PRKG1: variants seen among roughly 807,000 people sequenced by gnomAD.
PRKG1 encodes protein kinase cGMP-dependent 1, also known as cGMP-dependent protein kinase 1.
PRKG1 carries 35 observed loss-of-function variants against 88.1 expected under a neutral mutation model. The ratio of observed to expected loss-of-function variants is 0.40; its 90% CI spans 0.30 to 0.53. The LOEUF (loss-of-function observed/expected upper bound fraction) is 0.53, where lower values mean the gene tolerates loss of function less well. PRKG1 is among the 20% of genes least tolerant of loss of function. The pLI is 0.59. For missense variants in PRKG1, 540 were observed against 839.8 expected (o/e 0.64, Z 4.41); for synonymous variants, 303 against 292.5 (o/e 1.04, Z -0.37).
chr10:51,532,471 A>T (rs1303878115), intron 3 of PRKG1, among the ~76,000 whole-genome samples: 1 of 152,150 alleles, frequency 6.6e-6, no homozygotes, highest in Non-Finnish European at 1.5e-5. Context: ...GTGAATTTAC[A>T]TTATTTTACT....
chr10:51,403,326 A>G (rs1837811146), intron 2 of PRKG1, among the ~76,000 whole-genome samples: 1 of 152,210 alleles, frequency 6.6e-6, no homozygotes, highest in South Asian at 2.1e-4. Flanking sequence ...AAATTTTCAG[A>G]TCTAAAGTTG....
intron 3 of PRKG1, among the ~76,000 whole-genome samples, chr10:51,631,297 C>T (rs1839519752): frequency 6.6e-6 from 1 of 152,122 alleles, no homozygotes; most frequent in Admixed American, 6.5e-5. Flanking sequence ...AAAACTCTGA[C>T]TGAGACAAAT....
intron 3 of PRKG1, among the ~76,000 whole-genome samples, chr10:51,650,079 T>G (rs949933682): frequency 6.6e-6 from 1 of 152,152 alleles, no homozygotes; most frequent in Non-Finnish European, 1.5e-5. Flanking sequence ...TTAAGGCTTT[T>G]TCTTTAGTGA....
At chr10:51,211,008 CAA>C (rs1303503425) in intron 2 of PRKG1, among the ~76,000 whole-genome samples, 1 of 151,486 alleles carries the variant, frequency 6.6e-6, no homozygotes, top group Non-Finnish European at 1.5e-5. Context: ...AGAGACACAA[CAA>C]AAAAAAGAGA....
At chr10:52,161,606 C>T (rs1294753346) in intron 8 of PRKG1, among the ~76,000 whole-genome samples, 1 of 151,960 alleles carries the variant, frequency 6.6e-6, no homozygotes, top group Non-Finnish European at 1.5e-5. Flanking sequence ...GACTTTATTC[C>T]AAACAATTAT....
At chr10:52,211,574 G>A (rs1355397913) in intron 9 of PRKG1, among the ~76,000 whole-genome samples, 1 of 151,512 alleles carries the variant, frequency 6.6e-6, no homozygotes, top group Non-Finnish European at 1.5e-5. Flanking sequence ...CAAACCAATA[G>A]ATTTTCACAA....
rs61852086 is a variant in PRKG1, at chr10:51,316,551, G to A, written c.479-151172G>A. Among the ~76,000 whole-genome samples, 926 of 152,054 alleles carry A rather than the reference G, an allele frequency of 6.1e-3. 9 individuals carry two copies. The highest frequency in any genetic ancestry group is 0.02 in the Middle Eastern group (6 of 294). On this transcript the variant is annotated intron_variant, in intron 2 of 17. Coordinates refer to ENST00000373980, the MANE Select transcript of PRKG1 (RefSeq NM_006258.4). ...ACAAAAATTAGCCAGGCCTGATGGC[G>A]GGCACCTGTAATCCCAGCTACTCAG...
intron 5 of PRKG1, among the ~76,000 whole-genome samples, chr10:51,914,617 A>T (rs1308805453): frequency 4.6e-5 from 7 of 152,220 alleles, no homozygotes; most frequent in Non-Finnish European, 1.0e-4. Context: ...AGTCAATTTC[A>T]TGTCCAATTT....
intron 3 of PRKG1, among the ~76,000 whole-genome samples, chr10:51,742,463 G>T (rs1377680763): frequency 6.6e-6 from 1 of 152,172 alleles, no homozygotes; most frequent in South Asian, 2.1e-4. Flanking sequence ...CTAACAAAGA[G>T]GGAGAAGACC....
chr10:51,482,790 T>C (rs1200836908), intron 3 of PRKG1, among the ~76,000 whole-genome samples: 1 of 152,078 alleles, frequency 6.6e-6, no homozygotes, highest in Non-Finnish European at 1.5e-5. Flanking sequence ...AAGCTTCAGT[T>C]TCATCATTCA....
At chr10:52,089,100 A>G (rs1846987690) in intron 7 of PRKG1, among the ~76,000 whole-genome samples, 1 of 152,214 alleles carries the variant, frequency 6.6e-6, no homozygotes, top group African/African-American at 2.4e-5. Context: ...TAAGGAGATA[A>G]ATGAAATTAT....
chr10:51,908,734 A>ATATATATATATATT (rs563212069), intron 5 of PRKG1: 8 of 52,222 alleles, frequency 1.5e-4, no homozygotes, highest in African/African-American at 4.6e-4. Context: ...TCTATATGTA[A>ATATATATATATATT]TTTTTTTTTT....
At chr10:51,322,760 T>G (rs1265537083) in intron 2 of PRKG1, among the ~76,000 whole-genome samples, 1 of 152,200 alleles carries the variant, frequency 6.6e-6, no homozygotes, top group Admixed American at 6.5e-5. Flanking sequence ...GATACAGCAC[T>G]ACTAGCTTGC....
At chr10:51,858,617 C>G (rs1840781938) in intron 4 of PRKG1, among the ~76,000 whole-genome samples, 1 of 149,272 alleles carries the variant, frequency 6.7e-6, no homozygotes, top group South Asian at 2.1e-4. Flanking sequence ...TAACTGGTAC[C>G]ATAGGGTCCT....
At chr10:51,787,871 G>A (rs1175570649) in intron 3 of PRKG1, among the ~76,000 whole-genome samples, 1 of 152,124 alleles carries the variant, frequency 6.6e-6, no homozygotes, top group Non-Finnish European at 1.5e-5. Context: ...TACCTATGAG[G>A]TGAGGCAGGC....
intron 3 of PRKG1, among the ~76,000 whole-genome samples, chr10:51,728,453 GTT>G (rs56975031): frequency 5.1e-5 from 3 of 58,812 alleles, no homozygotes; most frequent in South Asian, 5.0e-4. Flanking sequence ...TTTTTTCTTT[GTT>G]TTTTTTTTTT....
At position 52,016,164 on chromosome 10, in the gene PRKG1, C is replaced by T. The variant is rs149023630; in HGVS notation, c.763-38320C>T. On this transcript the variant is annotated intron_variant, in intron 5 of 17. Transcript: ENST00000373980. ...CCAATTTTCTGTATTATTCCATTCT[C>T]ACATTGCTATAAGGATACTACCTAA... 3.0e-4 allele frequency among the ~76,000 whole-genome samples: 46 copies of T among 152,292 alleles called. 1 individual carries two copies. The East Asian group carries it at 8.3e-3, about 27-fold the overall frequency.
At chr10:51,896,627 G>C (rs1841852940) in intron 4 of PRKG1, among the ~76,000 whole-genome samples, 1 of 124,836 alleles carries the variant, frequency 8.0e-6, no homozygotes. Context: ...TTAGGTGACA[G>C]AGCGAGACCC....
chr10:51,706,343 G>A (rs576019543), intron 3 of PRKG1, among the ~76,000 whole-genome samples: 1 of 152,250 alleles, frequency 6.6e-6, no homozygotes, highest in Non-Finnish European at 1.5e-5. Flanking sequence ...AGTGCTGGGA[G>A]TGAGCCACAA....
Sources: allele counts gnomAD v4.1 joint callset (sites outside exome capture counted in the v4.1 genomes callset), GRCh38; gene constraint gnomAD v4.1.1; transcripts MANE v1.5; gene names NCBI Gene and HGNC (gene_info 2026-07-23, HGNC 2026-07-21).